The following CTNNA2 variants were observed in gnomAD, a reference collection of about 807,000 sequenced individuals.
The protein encoded by CTNNA2 is catenin alpha-2.
Under a neutral mutation model 101.0 loss-of-function variants are expected in CTNNA2, and 42 were observed. The ratio of observed to expected loss-of-function variants is 0.42; its 90% CI spans 0.32 to 0.54. The LOEUF (loss-of-function observed/expected upper bound fraction) is 0.54, where lower values mean the gene tolerates loss of function less well. Ranked by LOEUF, CTNNA2 falls within the 20% of genes least tolerant of loss-of-function variation. CTNNA2 has a pLI of 0.14. For synonymous variants in CTNNA2, 450 were observed against 456.4 expected, an observed-to-expected ratio of 0.99 and a Z score of 0.18; for missense variants, 871 against 1,223.1, an observed-to-expected ratio of 0.71 and a Z score of 4.29.
chr2:80,519,667 T>C (rs1240007201), intron 9 of CTNNA2, among the ~76,000 whole-genome samples: 1 of 152,228 alleles, frequency 6.6e-6, no homozygotes, highest in Non-Finnish European at 1.5e-5. Context: ...AATTTTTATA[T>C]TTATTCAAAG....
chr2:80,165,603 T>C (rs1475845844), intron 7 of CTNNA2, among the ~76,000 whole-genome samples: 1 of 152,280 alleles, frequency 6.6e-6, no homozygotes, highest in East Asian at 1.9e-4. Context: ...AAAACTCCCA[T>C]TGCTGCTGGA....
intron 18 of CTNNA2, among the ~76,000 whole-genome samples, chr2:80,635,762 G>C (rs1417554104): frequency 6.6e-6 from 1 of 151,444 alleles, no homozygotes. Context: ...TCAATTGCTA[G>C]TGTTTGACTG....
At chr2:79,606,200 A>G (rs1472540871) in intron 1 of CTNNA2, among the ~76,000 whole-genome samples, 2 of 152,224 alleles carry the variant, frequency 1.3e-5, no homozygotes, top group African/African-American at 4.8e-5. Flanking sequence ...TGAAGGGCAA[A>G]GAAAATGGTA....
rs1029402612 is a variant in CTNNA2 at position 80,576,629 on chromosome 2, A to G, written c.1893+2315A>G. 4.0e-5 allele frequency among the ~76,000 whole-genome samples: 6 copies of G among 151,794 alleles called. No individual in the cohort carries two copies. The South Asian group carries it at 1.3e-3, about 32-fold the overall frequency. On this transcript the variant is annotated intron_variant, in intron 13 of 18. Coordinates refer to ENST00000402739, the MANE Select transcript of CTNNA2 (RefSeq NM_001282597.3). ...ACTGTGAGCTTCTGGCCACACTTTTATCAACTGATCAATACTTAACCTTGT... is the reference window on the plus strand; with the variant it reads ...ACTGTGAGCTTCTGGCCACACTTTTGTCAACTGATCAATACTTAACCTTGT...
intron 7 of CTNNA2, among the ~76,000 whole-genome samples, chr2:80,118,554 A>T (rs1487544277): frequency 6.6e-6 from 1 of 152,230 alleles, no homozygotes; most frequent in Non-Finnish European, 1.5e-5. Flanking sequence ...TTTTGGTAAA[A>T]TGCAAGCTGT....
chr2:79,362,244 A>C (rs1677647835), intron 3 of CTNNA2, among the ~76,000 whole-genome samples: 1 of 152,104 alleles, frequency 6.6e-6, no homozygotes. Context: ...TCTTTTTCCA[A>C]ATGCACTCAC....
intron 12 of CTNNA2, among the ~76,000 whole-genome samples, chr2:80,559,149 C>G (rs1019164867): frequency 4.6e-5 from 7 of 152,132 alleles, no homozygotes; most frequent in African/African-American, 9.7e-5. Flanking sequence ...CTGAGCATTA[C>G]TGCCCTAAAG....
intron 7 of CTNNA2, among the ~76,000 whole-genome samples, chr2:80,037,995 T>C (rs115100558): frequency 0.017 from 2,623 of 152,230 alleles, 60 homozygotes; most frequent in African/African-American, 0.054. Context: ...GAGACCTAAT[T>C]GGGGGTGATG....
intron 3 of CTNNA2, among the ~76,000 whole-genome samples, chr2:79,350,587 TG>T (rs1677364923): frequency 6.6e-6 from 1 of 152,192 alleles, no homozygotes; most frequent in South Asian, 2.1e-4. Flanking sequence ...AATAGTGCTG[TG>T]ATCAACATAC....
At chr2:79,408,348 C>A (rs1678364283) in intron 4 of CTNNA2, among the ~76,000 whole-genome samples, 1 of 151,146 alleles carries the variant, frequency 6.6e-6, no homozygotes, top group Admixed American at 6.6e-5. Context: ...TACATGTACA[C>A]AATGTGCAGG....
intron 4 of CTNNA2, among the ~76,000 whole-genome samples, chr2:79,501,597 GC>G (rs1449781584): frequency 2.0e-5 from 3 of 152,122 alleles, no homozygotes; most frequent in Non-Finnish European, 2.9e-5. Flanking sequence ...AAAATTACAA[GC>G]CCAGTGCTTT....
chr2:79,849,028 A>T (rs1680466186), intron 3 of CTNNA2, among the ~76,000 whole-genome samples: 1 of 152,098 alleles, frequency 6.6e-6, no homozygotes, highest in Admixed American at 6.6e-5. Context: ...CATGTGTGAG[A>T]TGAGAAAGGG....
chr2:79,276,531 T>A (rs930889031), intron 2 of CTNNA2, among the ~76,000 whole-genome samples: 1 of 152,134 alleles, frequency 6.6e-6, no homozygotes, highest in African/African-American at 2.4e-5. Context: ...TTTTGTCTGA[T>A]ATTGATATTG....
intron 7 of CTNNA2, among the ~76,000 whole-genome samples, chr2:80,294,523 C>A (rs1675564567): frequency 6.6e-6 from 1 of 152,032 alleles, no homozygotes; most frequent in African/African-American, 2.4e-5. Context: ...TAAAGAGCTG[C>A]AGTCAGACTT....
rs1227545567 is a variant in CTNNA2 at position 80,539,210 on chromosome 2, G to T, written c.1291-5772G>T. 2.0e-5 allele frequency among the ~76,000 whole-genome samples: 3 copies of T among 151,782 alleles called. No individual in the cohort carries two copies. The South Asian group carries it at 6.2e-4, about 32-fold the overall frequency. The stretch of plus-strand genomic sequence containing the variant: ...TGTCACTCTGCTTTTGGCTTCCTGA[G>T]GTGATTATTAAAGAGTTACAGGATA... On this transcript the variant is annotated intron_variant, in intron 9 of 18. Transcript: ENST00000402739.
chr2:79,448,971 C>A (rs937359551), intron 4 of CTNNA2, among the ~76,000 whole-genome samples: 2 of 151,902 alleles, frequency 1.3e-5, no homozygotes, highest in South Asian at 2.1e-4. Context: ...TCAGAAAATG[C>A]GCATTTGACT....
At chr2:79,666,038 G>T (rs559373995) in intron 2 of CTNNA2, among the ~76,000 whole-genome samples, 2 of 152,078 alleles carry the variant, frequency 1.3e-5, no homozygotes, top group Admixed American at 1.3e-4. Flanking sequence ...TTTTATCCCC[G>T]AGGGGAATTT....
At chr2:80,292,906 CT>C (rs549451198) in intron 7 of CTNNA2, among the ~76,000 whole-genome samples, 4 of 151,942 alleles carry the variant, frequency 2.6e-5, no homozygotes, top group South Asian at 2.1e-4. Flanking sequence ...CATGTTTGCT[CT>C]TTTTTTTGTA....
intron 9 of CTNNA2, among the ~76,000 whole-genome samples, chr2:80,487,775 A>G (rs1573013458): frequency 6.6e-6 from 1 of 152,196 alleles, no homozygotes; most frequent in Non-Finnish European, 1.5e-5. Flanking sequence ...ACTTATCTCC[A>G]TGCATTGTAT....
Sources: gnomAD v4.1 joint callset for allele counts (sites outside exome capture counted in the v4.1 genomes callset) on GRCh38, gnomAD v4.1.1 for gene constraint, MANE v1.5 for transcripts, NCBI Gene and HGNC (gene_info 2026-07-23, HGNC 2026-07-21) for gene names.